Variants in SV2B observed in about 807,000 individuals in gnomAD.
SV2B encodes solute carrier family 22 member B2.
A neutral mutation model predicts 73.9 loss-of-function variants in SV2B; 41 were observed. That is an observed-to-expected ratio of 0.56 (90% CI 0.43 to 0.72). The LOEUF (loss-of-function observed/expected upper bound fraction) is 0.72. SV2B is among the 30% of genes least tolerant of loss of function. SV2B has a pLI of 0.00. For missense variants in SV2B, 764 were observed against 857.8 expected, an observed-to-expected ratio of 0.89 and a Z score of 1.37; for synonymous variants, 314 against 314.2, an observed-to-expected ratio of 1.00 and a Z score of 0.01.
At chr15:91,166,797 G>A (rs1308002437) in intron 1 of SV2B, among the ~76,000 whole-genome samples, 4 of 150,680 alleles carry the variant, frequency 2.7e-5, no homozygotes, top group African/African-American at 9.8e-5. Context: ...TTTTTGTATA[G>A]TTTTTCTTTT....
Position 91,281,807 on chromosome 15 carries a change from A to G in SV2B, c.1453A>G (p.Thr485Ala). 1.2e-6 allele frequency: 2 copies of G among 1,613,382 alleles called. No homozygotes were observed. The highest frequency in any genetic ancestry group is 1.7e-6 in the Non-Finnish European group (2 of 1,179,582). ...DECYFEDVTSTDTYFKNCTIE... is the reference protein window; with the variant it reads ...DECYFEDVTSADTYFKNCTIE... ...GTGCTATTTTGAAGACGTAACATCA[A>G]CAGATACCTACTTCAAAAATTGTAC... Residue 485 changes from threonine to alanine, a missense_variant, in exon 10 of 13, where the codon ACA (threonine) becomes GCA (alanine). Physicochemically the swap from Thr to Ala is moderately conservative, Grantham distance 58 (BLOSUM62 0). Coordinates refer to ENST00000394232, the MANE Select transcript of SV2B (RefSeq NM_001323032.3). The surrounding 1 kb of genome is among the most constrained non-coding windows in gnomAD (Gnocchi z 4.7).
chr15:91,154,914 G>A (rs552412439), intron 1 of SV2B, among the ~76,000 whole-genome samples: 1 of 152,284 alleles, frequency 6.6e-6, no homozygotes, highest in East Asian at 1.9e-4. Flanking sequence ...TCCTTGGGGA[G>A]GTGCCTGTGA....
chr15:91,153,277 T>G (rs1414394938), intron 1 of SV2B, among the ~76,000 whole-genome samples: 2 of 152,118 alleles, frequency 1.3e-5, no homozygotes, highest in East Asian at 1.9e-4. Flanking sequence ...ACAAATACAT[T>G]CGAACCATAG....
Position 91,105,543 on chromosome 15 carries a change from G to C in SV2B, c.-392+5180G>C, listed in dbSNP as rs926300149. Among the ~76,000 whole-genome samples the C allele has an allele frequency of 9.8e-5, 15 of 152,346 alleles. No homozygotes were observed. Among genetic ancestry groups the C allele is most frequent in the Non-Finnish European group, 2.9e-5 (2 of 68,026 alleles). The stretch of plus-strand genomic sequence containing the variant: ...AGGGAGCCAGCTAATAGAAGGTCCT[G>C]TAGGGCCTTGTGTAGACTTTAGCCT... On this transcript the variant is annotated intron_variant, in intron 1 of 12. Coordinates refer to ENST00000394232, the MANE Select transcript of SV2B (RefSeq NM_001323032.3). The surrounding 1 kb of genome is among the most constrained non-coding windows in gnomAD (Gnocchi z 5.5).
At chr15:91,193,027 T>C (rs1007440457) in intron 1 of SV2B, among the ~76,000 whole-genome samples, 1 of 152,248 alleles carries the variant, frequency 6.6e-6, no homozygotes, top group Non-Finnish European at 1.5e-5. Context: ...CAAATCTATC[T>C]ACTCATTTGT....
chr15:91,274,480 A>G (rs931814966), intron 9 of SV2B, among the ~76,000 whole-genome samples: 2 of 152,184 alleles, frequency 1.3e-5, no homozygotes, highest in East Asian at 3.8e-4. Flanking sequence ...TGACCAATTC[A>G]TTTTGTAATG....
At chr15:91,226,992 G>A (rs2046405832) in intron 2 of SV2B, among the ~76,000 whole-genome samples, 2 of 152,126 alleles carry the variant, frequency 1.3e-5, no homozygotes, top group Admixed American at 1.3e-4. Flanking sequence ...TCTTCTTCAT[G>A]TTAAACCTTC....
At chr15:91,145,933 G>T (rs565043959) in intron 1 of SV2B, among the ~76,000 whole-genome samples, 1 of 152,252 alleles carries the variant, frequency 6.6e-6, no homozygotes, top group Admixed American at 6.5e-5. Flanking sequence ...TCTGTAGGTT[G>T]TCTGTTCATT....
intron 5 of SV2B, among the ~76,000 whole-genome samples, chr15:91,259,465 G>A (rs1465106648): frequency 6.6e-6 from 1 of 152,214 alleles, no homozygotes; most frequent in Non-Finnish European, 1.5e-5. Context: ...TCACCCCTTT[G>A]ATCAGGAGGC....
chr15:91,236,038 A>G lies in SV2B; in HGVS notation c.451+9324A>G, dbSNP rs1315272482. On this transcript the variant is annotated intron_variant, in intron 2 of 12. Transcript: ENST00000394232. The surrounding 1 kb of genome is among the most constrained non-coding windows in gnomAD (Gnocchi z 4.1). ...ATCTGCACACAGTAGGTGCTTAGTC[A>G]GTACTCATCCTGCTCCCCTGATCCA... Among the ~76,000 whole-genome samples the G allele has an allele frequency of 6.6e-6, 1 of 152,232 alleles. No homozygotes were observed. Among genetic ancestry groups the G allele is most frequent in the Non-Finnish European group, 1.5e-5 (1 of 68,034 alleles).
At position 91,261,388 on chromosome 15, in the gene SV2B, A is replaced by G. The variant is rs2047904893; in HGVS notation, c.1008+979A>G. 6.6e-6 allele frequency among the ~76,000 whole-genome samples: 1 copy of G among 152,242 alleles called. No individual in the cohort carries two copies. Among genetic ancestry groups the G allele is most frequent in the African/African-American group, 2.4e-5 (1 of 41,468 alleles). On this transcript the variant is annotated intron_variant, in intron 6 of 12. Transcript: ENST00000394232. The surrounding 1 kb of genome is among the most constrained non-coding windows in gnomAD (Gnocchi z 4.7). The stretch of plus-strand genomic sequence containing the variant: ...TTTTATATGCTGTCTCCTAGTATTC[A>G]TAATCATCATTTTAATAAACAGTAA...
intron 1 of SV2B, among the ~76,000 whole-genome samples, chr15:91,213,222 G>A (rs947777703): frequency 6.6e-6 from 1 of 152,088 alleles, no homozygotes; most frequent in South Asian, 2.1e-4. Context: ...TGCCAAGGCT[G>A]GGCTCTAAGT....
chr15:91,242,662 G>A lies in SV2B; in HGVS notation c.452-9157G>A, dbSNP rs1489523718. On this transcript the variant is annotated intron_variant, in intron 2 of 12. Transcript: ENST00000394232. This position sits in a 1 kb window ranked among gnomAD's most constrained non-coding sequence, Gnocchi z 4.9. ...AGAGCATAGGACATCAGTATCCAGG[G>A]GTTGCTTAATACTTGATAAAAGGGT... Among the ~76,000 whole-genome samples the A allele has an allele frequency of 6.6e-6, 1 of 152,102 alleles. No homozygotes were observed. The highest frequency in any genetic ancestry group is 2.4e-5 in the African/African-American group (1 of 41,392).
chr15:91,144,881 GTGA>G (rs938585176), intron 1 of SV2B, among the ~76,000 whole-genome samples: 3 of 143,696 alleles, frequency 2.1e-5, no homozygotes, highest in African/African-American at 8.1e-5. Flanking sequence ...TCCTTAAGGT[GTGA>G]TGAAGAGAAC....
intron 1 of SV2B, among the ~76,000 whole-genome samples, chr15:91,190,555 A>G (rs1443128686): frequency 6.6e-6 from 1 of 152,130 alleles, no homozygotes; most frequent in Non-Finnish European, 1.5e-5. Context: ...CTTCTATTTC[A>G]TTCTGTTCTA....
In SV2B at chr15:91,132,657, T is replaced by C. The variant is rs2042690435; in HGVS notation, c.-392+32294T>C. 6.6e-6 allele frequency among the ~76,000 whole-genome samples: 1 copy of C among 152,168 alleles called. No individual in the cohort carries two copies. Among genetic ancestry groups the C allele is most frequent in the Non-Finnish European group, 1.5e-5 (1 of 68,034 alleles). On this transcript the variant is annotated intron_variant, in intron 1 of 12. Coordinates refer to ENST00000394232, the MANE Select transcript of SV2B (RefSeq NM_001323032.3). The surrounding 1 kb of genome is among the most constrained non-coding windows in gnomAD (Gnocchi z 4.6). ...TTGATTTAGTTCTAGGAAGTCGGTA[T>C]GAAACATTTAGGTTTTTTGCCTCCA... is the stretch of plus-strand genomic sequence containing the variant.
At position 91,229,112 on chromosome 15, in the gene SV2B, G is replaced by A. The variant is rs1397339988; in HGVS notation, c.451+2398G>A. On this transcript the variant is annotated intron_variant, in intron 2 of 12. Transcript: ENST00000394232. This position sits in a 1 kb window ranked among gnomAD's most constrained non-coding sequence, Gnocchi z 4.3. ...GTTTGTGGGAAGGAGGTCATGCCGT[G>A]CACAGGCTGCTCTCTGTGTCATCAA... 2.0e-5 allele frequency among the ~76,000 whole-genome samples: 3 copies of A among 152,200 alleles called. No individual in the cohort carries two copies. Among genetic ancestry groups the A allele is most frequent in the Non-Finnish European group, 4.4e-5 (3 of 68,046 alleles).
chr15:91,240,223 A>G lies in SV2B; in HGVS notation c.452-11596A>G, dbSNP rs1432126724. 6.6e-6 allele frequency among the ~76,000 whole-genome samples: 1 copy of G among 152,184 alleles called. No homozygotes were observed. Among genetic ancestry groups the G allele is most frequent in the East Asian group, 1.9e-4 (1 of 5,188 alleles). On this transcript the variant is annotated intron_variant, in intron 2 of 12. Coordinates refer to ENST00000394232, the MANE Select transcript of SV2B (RefSeq NM_001323032.3). This position sits in a 1 kb window ranked among gnomAD's most constrained non-coding sequence, Gnocchi z 4.6. ...GCTACATCACTAACCCTATCATCTT[A>G]CACAAGTAACTTAACCTCCCTAACC...
intron 1 of SV2B, among the ~76,000 whole-genome samples, chr15:91,156,297 G>A (rs376282410): frequency 9.8e-5 from 15 of 152,318 alleles, no homozygotes; most frequent in African/African-American, 3.4e-4. Context: ...AAGAGGCCCA[G>A]TGTGACTCCA....
Sources: allele counts gnomAD v4.1 joint callset (sites outside exome capture counted in the v4.1 genomes callset), GRCh38; gene constraint gnomAD v4.1.1; non-coding constraint Gnocchi (gnomAD v3.1); transcripts MANE v1.5; gene names NCBI Gene and HGNC (gene_info 2026-07-23, HGNC 2026-07-21).